DPYSL2: variants seen among roughly 807,000 people sequenced by gnomAD.
The protein encoded by DPYSL2 is dihydropyrimidinase like 2, also known as dihydropyrimidinase-related protein 2.
DPYSL2 carries 13 observed loss-of-function variants against 69.9 expected under a neutral mutation model. That is an observed-to-expected ratio of 0.19 (90% confidence interval 0.12 to 0.30). The LOEUF is 0.30. Ranked by LOEUF, DPYSL2 falls within the 10% of genes least tolerant of loss-of-function variation. The pLI is 1.00. For missense variants in DPYSL2, 587 were observed against 918.9 expected, an observed-to-expected ratio of 0.64 and a Z score of 4.67; for synonymous variants, 326 against 359.1, an observed-to-expected ratio of 0.91 and a Z score of 1.04.
chr8:26,595,763 G>A (rs1032264686), intron 3 of DPYSL2, among the ~76,000 whole-genome samples: 1 of 152,186 alleles, frequency 6.6e-6, no homozygotes, highest in African/African-American at 2.4e-5. Flanking sequence ...GCCTGGCAGA[G>A]GGCAGAGCTC....
At chr8:26,608,975 G>A (rs960315168) in intron 3 of DPYSL2, among the ~76,000 whole-genome samples, 3 of 152,210 alleles carry the variant, frequency 2.0e-5, no homozygotes, top group Non-Finnish European at 4.4e-5. Context: ...CACTCATTGT[G>A]TTTCTGAGTT....
intron 1 of DPYSL2, among the ~76,000 whole-genome samples, chr8:26,552,571 G>A (rs1461463165): frequency 1.3e-5 from 2 of 152,180 alleles, no homozygotes; most frequent in Non-Finnish European, 2.9e-5. Flanking sequence ...TCTGGAGGCT[G>A]GGAAGTCCAA....
intron 1 of DPYSL2, among the ~76,000 whole-genome samples, chr8:26,525,099 A>G (rs111426026): frequency 0.02 from 3,097 of 152,280 alleles, 92 homozygotes; most frequent in African/African-American, 0.068. Flanking sequence ...AAATTTACAA[A>G]TTAAGTTGAT....
chr8:26,543,706 C>T (rs904632946), intron 1 of DPYSL2, among the ~76,000 whole-genome samples: 3 of 152,180 alleles, frequency 2.0e-5, no homozygotes, highest in East Asian at 1.9e-4. Flanking sequence ...AGGCTTGTCT[C>T]GAACTACCGA....
In DPYSL2 at chr8:26,620,273, T is replaced by G. The variant is rs1188429193; in HGVS notation, c.629-3870T>G. On this transcript the variant is annotated intron_variant, in intron 3 of 13. Transcript: ENST00000521913. The surrounding 1 kb of genome is among the most constrained non-coding windows in gnomAD (Gnocchi z 4.5). Reference sequence around the variant, plus strand: ...GAGCTTTTATTTTTTTCCTTTTTTTTTGAGGCAGTCTCTTGCTCTGTCACC... The same window carrying G: ...GAGCTTTTATTTTTTTCCTTTTTTTGTGAGGCAGTCTCTTGCTCTGTCACC... 6.6e-6 allele frequency among the ~76,000 whole-genome samples: 1 copy of G among 152,166 alleles called. No homozygotes were observed. Among genetic ancestry groups the G allele is most frequent in the Admixed American group, 6.5e-5 (1 of 15,286 alleles).
intron 1 of DPYSL2, among the ~76,000 whole-genome samples, chr8:26,558,138 C>A (rs1801019507): frequency 6.6e-6 from 1 of 152,068 alleles, no homozygotes; most frequent in Non-Finnish European, 1.5e-5. Flanking sequence ...AAAATCTCTA[C>A]AGAAATGTTT....
intron 1 of DPYSL2, among the ~76,000 whole-genome samples, chr8:26,569,986 G>A (rs1801212667): frequency 6.6e-6 from 1 of 152,142 alleles, no homozygotes; most frequent in African/African-American, 2.4e-5. Flanking sequence ...GAGGCCAGGA[G>A]TTTGAGACCA....
At chr8:26,639,857 G>C (rs1424956212) in intron 8 of DPYSL2, among the ~76,000 whole-genome samples, 1 of 152,064 alleles carries the variant, frequency 6.6e-6, no homozygotes, top group African/African-American at 2.4e-5. Flanking sequence ...AACCCAATCA[G>C]ATCTGAGAAC....
chr8:26,595,834 G>C (rs2129792631), intron 3 of DPYSL2, among the ~76,000 whole-genome samples: 1 of 152,300 alleles, frequency 6.6e-6, no homozygotes, highest in East Asian at 1.9e-4. Context: ...CAAACCAAGG[G>C]ATAGTATGGA....
At chr8:26,532,253 A>G (rs1190036774) in intron 1 of DPYSL2, among the ~76,000 whole-genome samples, 1 of 151,896 alleles carries the variant, frequency 6.6e-6, no homozygotes, top group Non-Finnish European at 1.5e-5. Flanking sequence ...GATTTGAGGG[A>G]CTTTATGTCT....
Position 26,643,344 on chromosome 8 carries a change from A to T in DPYSL2, c.1127-95A>T. 1 of 1,349,270 alleles carries T rather than the reference A, an allele frequency of 7.4e-7. No individual in the cohort carries two copies. The highest frequency in any genetic ancestry group is 1.0e-6 in the Non-Finnish European group (1 of 988,214). The allele number at this position is 1,349,270 out of a possible 1,614,324, so 83.6% of individuals were successfully genotyped here. The stretch of plus-strand genomic sequence containing the variant: ...TTTCCTATAAAGGGATAGTGAGTGC[A>T]CTGGGTGCTGCTGGGCAGGCAGTGG... On this transcript the variant is annotated intron_variant, in intron 8 of 13. Coordinates refer to ENST00000521913, the MANE Select transcript of DPYSL2 (RefSeq NM_001197293.3). This position sits in a 1 kb window ranked among gnomAD's most constrained non-coding sequence, Gnocchi z 6.5.
In DPYSL2 at chr8:26,591,630, A is replaced by G. The variant is rs56228626; in HGVS notation, c.628+7647A>G. 0.043 allele frequency among the ~76,000 whole-genome samples: 6,551 copies of G among 152,196 alleles called. 452 individuals carry two copies. The highest frequency in any genetic ancestry group is 0.15 in the African/African-American group (6,185 of 41,490). ...TGTTGTCCCGGGGCAACCCTTTCTC[A>G]TGTGAAACCTTGCGTGGAACCCCCT... is the stretch of plus-strand genomic sequence containing the variant. On this transcript the variant is annotated intron_variant, in intron 3 of 13. Transcript: ENST00000521913. This position sits in a 1 kb window ranked among gnomAD's most constrained non-coding sequence, Gnocchi z 5.8.
chr8:26,578,468 A>T (rs746320601), intron 1 of DPYSL2: 98 of 1,461,094 alleles, frequency 6.7e-5, no homozygotes, highest in Non-Finnish European at 7.9e-5. Flanking sequence ...GCAGTGATCC[A>T]GGATTAGAAG....
intron 1 of DPYSL2, among the ~76,000 whole-genome samples, chr8:26,529,142 A>G (rs1800447042): frequency 6.6e-6 from 1 of 152,158 alleles, no homozygotes; most frequent in African/African-American, 2.4e-5. Context: ...GAAAAACAGA[A>G]TAGAAAGGCA....
chr8:26,632,585 T>C (rs1017748823), intron 7 of DPYSL2, among the ~76,000 whole-genome samples: 2 of 152,180 alleles, frequency 1.3e-5, no homozygotes, highest in African/African-American at 4.8e-5. Flanking sequence ...GTACCTGTCA[T>C]CCCAGCACTT....
At position 26,634,786 on chromosome 8, in the gene DPYSL2, G is replaced by A. The variant is rs1273538485; in HGVS notation, c.1012G>A (p.Ala338Thr). 2 of 1,614,208 alleles carry A rather than the reference G, an allele frequency of 1.2e-6. No homozygotes were observed. Among genetic ancestry groups the A allele is most frequent in the East Asian group, 4.5e-5 (2 of 44,882 alleles). Reference sequence around the variant, plus strand: ...CTCTGCTGCTGTTTTGCAGGTCGAGGCCGAAGCCGTGAATCGTGCCATCAC... The same window carrying A: ...CTCTGCTGCTGTTTTGCAGGTCGAGACCGAAGCCGTGAATCGTGCCATCAC... ...HVLSRPEEVEAEAVNRAITIA... is the reference protein window; with the variant it reads ...HVLSRPEEVETEAVNRAITIA... The change falls in exon 8 of 14, where the codon GCC becomes ACC. Residue 338 changes from alanine to threonine, a missense_variant. Coordinates refer to ENST00000521913, the MANE Select transcript of DPYSL2 (RefSeq NM_001197293.3).
chr8:26,604,491 TG>T (rs1169887785), intron 3 of DPYSL2, among the ~76,000 whole-genome samples: 1 of 151,914 alleles, frequency 6.6e-6, no homozygotes, highest in Non-Finnish European at 1.5e-5. Flanking sequence ...AAGGAATGGG[TG>T]AGAACCTGCC....
intron 1 of DPYSL2, among the ~76,000 whole-genome samples, chr8:26,553,323 CAGGTACTA>C (rs1800898189): frequency 6.6e-6 from 1 of 151,686 alleles, no homozygotes; most frequent in African/African-American, 2.4e-5. Context: ...TTTCATCACC[CAGGTACTA>C]AGCCTAGTAC....
chr8:26,533,209 T>C lies in DPYSL2; in HGVS notation c.354+18530T>C, dbSNP rs80055020. Among the ~76,000 whole-genome samples the C allele has an allele frequency of 0.072, 10,951 of 152,300 alleles. 465 individuals carry two copies. Among genetic ancestry groups the C allele is most frequent in the South Asian group, 0.22 (1,057 of 4,828 alleles). ...TGTCTATTAAAATTCTTTGCCCATT[T>C]TTAAGTTGGAATATTTGCCATTTTG... is the stretch of plus-strand genomic sequence containing the variant. On this transcript the variant is annotated intron_variant, in intron 1 of 13. Transcript: ENST00000521913. The surrounding 1 kb of genome is among the most constrained non-coding windows in gnomAD (Gnocchi z 4.8).
Sources: gnomAD v4.1 joint callset for allele counts (sites outside exome capture counted in the v4.1 genomes callset) on GRCh38, gnomAD v4.1.1 for gene constraint, Gnocchi (gnomAD v3.1) non-coding constraint, MANE v1.5 for transcripts, NCBI Gene and HGNC (gene_info 2026-07-23, HGNC 2026-07-21) for gene names.